The following NEDD4 variants were observed in gnomAD, a reference collection of about 807,000 sequenced individuals.
NEDD4 encodes the protein NEDD4 E3 ubiquitin protein ligase.
A neutral mutation model predicts 144.9 loss-of-function variants in NEDD4; 99 were observed. The observed-to-expected ratio is 0.68, with a 90% CI of 0.58 to 0.81. The LOEUF (loss-of-function observed/expected upper bound fraction) is 0.81. Among genes scored for constraint, NEDD4 ranks in the 30% least tolerant of loss-of-function variants. The pLI, the probability that NEDD4 is intolerant of heterozygous loss-of-function variation, is 0.00. For missense variants in NEDD4, 985 were observed against 1,065.9 expected, an observed-to-expected ratio of 0.92 and a Z score of 1.06; for synonymous variants, 318 against 350.6, an observed-to-expected ratio of 0.91 and a Z score of 1.04.
At chr15:55,944,719 G>C (rs948415811) in intron 4 of NEDD4, among the ~76,000 whole-genome samples, 1 of 152,172 alleles carries the variant, frequency 6.6e-6, no homozygotes, top group Non-Finnish European at 1.5e-5. Context: ...GCCTAACTGG[G>C]AGACACTTCC....
At chr15:55,896,583 A>T (rs12591733) in intron 5 of NEDD4, among the ~76,000 whole-genome samples, 21,776 of 152,118 alleles carry the variant, frequency 0.14, 1,712 homozygotes, top group East Asian at 0.36. Context: ...TATCTGTATT[A>T]TAGTTCTCTT....
At chr15:55,926,554 G>A (rs1426945706) in intron 4 of NEDD4, among the ~76,000 whole-genome samples, 1 of 152,152 alleles carries the variant, frequency 6.6e-6, no homozygotes, top group Non-Finnish European at 1.5e-5. Context: ...GATCACTTGA[G>A]CCCAGGAGTT....
In NEDD4 at chr15:55,869,700, A is replaced by G. The variant is rs1444574495; in HGVS notation, c.405-19T>C. The G allele has an allele frequency of 7.1e-7, 1 of 1,416,914 alleles. No homozygotes were observed. Among genetic ancestry groups the G allele is most frequent in the Non-Finnish European group, 9.7e-7 (1 of 1,030,980 alleles). 87.8% of individuals were successfully genotyped at this position (1,416,914 alleles called of 1,614,324 possible). A position where few individuals can be genotyped will look rare whatever the true frequency, so the allele number is the denominator to read the frequency against. ...TTTGTGACTGTAGAAAAGAAAATAA[A>G]TATTCATAAAACTTTAACACCGGGA... is the stretch of plus-strand genomic sequence containing the variant. On this transcript the variant is annotated intron_variant, in intron 7 of 28. Transcript: ENST00000435532.
chr15:55,947,472 T>G (rs910404548), intron 4 of NEDD4, among the ~76,000 whole-genome samples: 1 of 152,116 alleles, frequency 6.6e-6, no homozygotes, highest in Non-Finnish European at 1.5e-5. Context: ...CAGGAAGAAG[T>G]TGAATCTCTG....
chr15:55,916,726 T>C, intron 5 of NEDD4: 1 of 1,614,086 alleles, frequency 6.2e-7, no homozygotes, highest in Non-Finnish European at 8.5e-7. Flanking sequence ...GTTGGTCTTT[T>C]GAAGCACATG....
At chr15:55,901,614 T>G (rs1395200503) in intron 5 of NEDD4, among the ~76,000 whole-genome samples, 1 of 152,160 alleles carries the variant, frequency 6.6e-6, no homozygotes, top group East Asian at 1.9e-4. Context: ...TATGAAGAAG[T>G]GCTTCCCCAG....
intron 4 of NEDD4, among the ~76,000 whole-genome samples, chr15:55,944,359 C>A (rs1181812339): frequency 6.6e-6 from 1 of 152,190 alleles, no homozygotes; most frequent in African/African-American, 2.4e-5. Context: ...TTGGCGGGTA[C>A]CATGCCCACA....
rs2036936612 is a variant in NEDD4, at chr15:55,938,581, C to T, written c.237+12795G>A. On this transcript the variant is annotated intron_variant, in intron 4 of 28. Coordinates refer to ENST00000435532, the MANE Select transcript of NEDD4 (RefSeq NM_006154.4). Reference sequence around the variant, plus strand: ...ATGATTTTTTGGGTGACACCAAAAACAAAGGCAATGAAAGCAAAAATTGAC... The same window carrying T: ...ATGATTTTTTGGGTGACACCAAAAATAAAGGCAATGAAAGCAAAAATTGAC... 1.3e-5 allele frequency among the ~76,000 whole-genome samples: 2 copies of T among 152,002 alleles called. 1 individual carries two copies. Among genetic ancestry groups the T allele is most frequent in the South Asian group, 4.1e-4 (2 of 4,826 alleles).
chr15:55,978,945 C>G (rs1338690829), intron 1 of NEDD4, among the ~76,000 whole-genome samples: 9 of 146,010 alleles, frequency 6.2e-5, no homozygotes, highest in Non-Finnish European at 1.2e-4. Context: ...AAAACAAGAA[C>G]AGAAAACACA....
At chr15:55,955,477 A>C (rs2142310410) in intron 2 of NEDD4, among the ~76,000 whole-genome samples, 1 of 151,544 alleles carries the variant, frequency 6.6e-6, no homozygotes, top group South Asian at 2.1e-4. Flanking sequence ...CTTACCCCTC[A>C]CCCCTCACCC....
intron 4 of NEDD4, among the ~76,000 whole-genome samples, chr15:55,943,171 A>G (rs1482628320): frequency 1.3e-5 from 2 of 152,214 alleles, no homozygotes; most frequent in African/African-American, 4.8e-5. Context: ...TGAAACTGGA[A>G]CTTATATTTA....
At chr15:55,961,769 AG>A in intron 2 of NEDD4, among the ~76,000 whole-genome samples, 1 of 152,038 alleles carries the variant, frequency 6.6e-6, no homozygotes, top group Non-Finnish European at 1.5e-5. Flanking sequence ...GCGCCTGGCC[AG>A]TTTGTGGTAA....
chr15:55,896,101 C>A (rs2035729923), intron 5 of NEDD4, among the ~76,000 whole-genome samples: 1 of 152,268 alleles, frequency 6.6e-6, no homozygotes, highest in African/African-American at 2.4e-5. Flanking sequence ...TTAACAAAAG[C>A]CCCCCAATAG....
At chr15:55,967,769 A>G (rs537467031) in intron 1 of NEDD4, among the ~76,000 whole-genome samples, 1 of 152,004 alleles carries the variant, frequency 6.6e-6, no homozygotes, top group East Asian at 1.9e-4. Flanking sequence ...ACCTATTATC[A>G]CAGCACTTTG....
chr15:55,986,688 C>G (rs1245952573), intron 1 of NEDD4, among the ~76,000 whole-genome samples: 1 of 147,040 alleles, frequency 6.8e-6, no homozygotes, highest in Non-Finnish European at 1.5e-5. Context: ...CTCCCAGGTT[C>G]ACGCCATTCT....
At chr15:55,870,573 G>A (rs1377720806) in intron 7 of NEDD4, among the ~76,000 whole-genome samples, 1 of 131,168 alleles carries the variant, frequency 7.6e-6, no homozygotes, top group Admixed American at 8.9e-5. Flanking sequence ...TCCCTCTGTC[G>A]CCCAGGATGA....
intron 1 of NEDD4, among the ~76,000 whole-genome samples, chr15:55,989,790 T>C (rs530492610): frequency 6.6e-6 from 1 of 151,836 alleles, no homozygotes; most frequent in African/African-American, 2.4e-5. Context: ...GCTGGAAGAG[T>C]AGGTGCTAGG....
At chr15:55,897,111 CTA>C (rs1288497962) in intron 5 of NEDD4, among the ~76,000 whole-genome samples, 2 of 152,032 alleles carry the variant, frequency 1.3e-5, no homozygotes, top group Non-Finnish European at 2.9e-5. Context: ...GTAGCTGGGA[CTA>C]TAGGTGCCCG....
chr15:55,916,426 T>C (rs974645553), intron 5 of NEDD4: 10 of 1,613,900 alleles, frequency 6.2e-6, no homozygotes, highest in Non-Finnish European at 8.5e-6. Context: ...TGACCATCAT[T>C]CACAGCATTC....
Sources: gnomAD v4.1 joint callset for allele counts (sites outside exome capture counted in the v4.1 genomes callset) on GRCh38, gnomAD v4.1.1 for gene constraint, MANE v1.5 for transcripts, NCBI Gene and HGNC (gene_info 2026-07-23, HGNC 2026-07-21) for gene names.